KHDRBS2: variants seen among roughly 807,000 people sequenced by gnomAD.
KHDRBS2 encodes KH domain-containing, RNA-binding, signal transduction-associated protein 2.
In KHDRBS2, 26 loss-of-function variants were observed where a neutral mutation model predicts 44.3. The ratio of observed to expected loss-of-function variants is 0.59; its 90% confidence interval spans 0.43 to 0.81. The LOEUF (loss-of-function observed/expected upper bound fraction) is 0.81, where lower values mean the gene tolerates loss of function less well. Ranked by LOEUF, KHDRBS2 falls within the 40% of genes least tolerant of loss-of-function variation. The pLI is 0.00. For missense variants in KHDRBS2, 476 were observed against 433.1 expected (o/e 1.10, Z -0.88); for synonymous variants, 194 against 151.1 (o/e 1.28, Z -2.08).
At chr6:62,082,363 C>T (rs932567680) in intron 2 of KHDRBS2, among the ~76,000 whole-genome samples, 14 of 150,252 alleles carry the variant, frequency 9.3e-5, no homozygotes, top group Non-Finnish European at 1.8e-4. Context: ...TATTACATAT[C>T]ACAGAAGAAT....
chr6:61,646,893 C>T, the KHDRBS2 span, among the ~76,000 whole-genome samples: 1 of 152,102 alleles, frequency 6.6e-6, no homozygotes, highest in African/African-American at 2.4e-5. Context: ...GATCTTGGCT[C>T]ACTGCAACCT....
chr6:62,155,027 G>C (rs554859369), intron 2 of KHDRBS2, among the ~76,000 whole-genome samples: 1 of 152,256 alleles, frequency 6.6e-6, no homozygotes, highest in East Asian at 1.9e-4. Flanking sequence ...ATCAGAAAGA[G>C]AAAGACTGAA....
chr6:61,672,790 G>A, the KHDRBS2 span, among the ~76,000 whole-genome samples: 2 of 149,374 alleles, frequency 1.3e-5, no homozygotes, highest in Admixed American at 6.7e-5. Context: ...CTCCCATTTT[G>A]TAGGTTGCCT....
At chr6:61,699,810 G>A (rs543013625) in intron 7 of KHDRBS2, among the ~76,000 whole-genome samples, 93 of 152,072 alleles carry the variant, frequency 6.1e-4, no homozygotes, top group African/African-American at 2.2e-3. Flanking sequence ...GTGTAAAGAA[G>A]CCGAAAAAAT....
chr6:62,113,479 T>TA (rs1259446209), intron 2 of KHDRBS2, among the ~76,000 whole-genome samples: 4 of 152,048 alleles, frequency 2.6e-5, no homozygotes, highest in Admixed American at 1.3e-4. Context: ...TACAGAAAAA[T>TA]AAAAAATATT....
At chr6:61,954,953 T>C (rs1459877748) in intron 4 of KHDRBS2, among the ~76,000 whole-genome samples, 5 of 141,528 alleles carry the variant, frequency 3.5e-5, no homozygotes, top group African/African-American at 5.1e-5. Flanking sequence ...TGTATACATA[T>C]ATATGTATAT....
chr6:62,175,497 T>C (rs1820909361), intron 2 of KHDRBS2, among the ~76,000 whole-genome samples: 1 of 151,516 alleles, frequency 6.6e-6, no homozygotes, highest in Admixed American at 6.6e-5. Flanking sequence ...ACTAAAGATT[T>C]CCATCTATAA....
At chr6:62,109,100 T>TA (rs70993202) in intron 2 of KHDRBS2, among the ~76,000 whole-genome samples, 64,939 of 140,498 alleles carry the variant, frequency 0.46, 15,709 homozygotes, top group Non-Finnish European at 0.56. Flanking sequence ...AGTATAATAA[T>TA]AAAAAAAAAA....
At chr6:62,217,146 A>G (rs1272832891) in intron 1 of KHDRBS2, among the ~76,000 whole-genome samples, 1 of 151,686 alleles carries the variant, frequency 6.6e-6, no homozygotes, top group Non-Finnish European at 1.5e-5. Context: ...AGAATAATGC[A>G]TGTGCTTAAT....
At chr6:61,859,825 T>C (rs1466642751) in intron 6 of KHDRBS2, among the ~76,000 whole-genome samples, 1 of 151,958 alleles carries the variant, frequency 6.6e-6, no homozygotes, top group Non-Finnish European at 1.5e-5. Flanking sequence ...CAATAAAATT[T>C]GACCAAACTG....
chr6:61,569,632 A>T, the KHDRBS2 span, among the ~76,000 whole-genome samples: 1 of 152,294 alleles, frequency 6.6e-6, no homozygotes, highest in South Asian at 2.1e-4. Context: ...AAGCCAGCAC[A>T]CTAAACATAT....
At chr6:61,587,258 C>A in the KHDRBS2 span, among the ~76,000 whole-genome samples, 9 of 152,214 alleles carry the variant, frequency 5.9e-5, no homozygotes, top group African/African-American at 2.2e-4. Flanking sequence ...TACTAGCATG[C>A]GTATGAATTG....
intron 3 of KHDRBS2, among the ~76,000 whole-genome samples, chr6:62,041,392 C>A (rs1401177984): frequency 1.3e-5 from 2 of 151,988 alleles, no homozygotes; most frequent in African/African-American, 4.8e-5. Context: ...AAATAATAGA[C>A]CATCCTCAGT....
chr6:61,545,205 G>A, the KHDRBS2 span, among the ~76,000 whole-genome samples: 4 of 151,954 alleles, frequency 2.6e-5, no homozygotes, highest in Non-Finnish European at 5.9e-5. Context: ...CAGTACTTTG[G>A]GTGGCTGAGG....
chr6:61,776,619 A>AT (rs1782064180), intron 6 of KHDRBS2, among the ~76,000 whole-genome samples: 1 of 152,234 alleles, frequency 6.6e-6, no homozygotes, highest in Admixed American at 6.5e-5. Context: ...AATGGTGATC[A>AT]TTAAAAAGTC....
chr6:61,584,113 C>T, the KHDRBS2 span, among the ~76,000 whole-genome samples: 1 of 151,552 alleles, frequency 6.6e-6, no homozygotes, highest in Non-Finnish European at 1.5e-5. Flanking sequence ...CATAGATGTC[C>T]TTAGAACTTT....
the KHDRBS2 span, among the ~76,000 whole-genome samples, chr6:61,597,415 G>GA: frequency 1.3e-5 from 2 of 151,974 alleles, no homozygotes; most frequent in African/African-American, 4.8e-5. Flanking sequence ...TCTGTGAGGT[G>GA]AACAAGGGAC....
At chr6:62,142,920 A>T (rs1482748912) in intron 2 of KHDRBS2, among the ~76,000 whole-genome samples, 2 of 151,304 alleles carry the variant, frequency 1.3e-5, no homozygotes, top group East Asian at 3.9e-4. Context: ...TGTTTCAATG[A>T]TTTGTAACAA....
At chr6:62,115,796 A>G (rs1806078776) in intron 2 of KHDRBS2, among the ~76,000 whole-genome samples, 1 of 152,132 alleles carries the variant, frequency 6.6e-6, no homozygotes, top group African/African-American at 2.4e-5. Flanking sequence ...TTACTTTTTT[A>G]ACGTTAATTA....
Sources: gnomAD v4.1 joint callset for allele counts (sites outside exome capture counted in the v4.1 genomes callset) on GRCh38, gnomAD v4.1.1 for gene constraint, MANE v1.5 for transcripts, NCBI Gene and HGNC (gene_info 2026-07-23, HGNC 2026-07-21) for gene names.